The following EPB41L4A variants were observed in gnomAD, a reference collection of about 807,000 sequenced individuals.
EPB41L4A encodes the protein band 4.1-like protein 4A.
A neutral mutation model predicts 108.6 loss-of-function variants in EPB41L4A; 100 were observed. The observed-to-expected ratio is 0.92, with a 90% CI of 0.78 to 1.09. The LOEUF is 1.09. Among genes scored for constraint, EPB41L4A ranks in the 50% least tolerant of loss-of-function variants. The probability of loss-of-function intolerance (pLI) is 0.00; values close to 1 mark genes in which losing one functional copy is unlikely to be tolerated. For synonymous variants in EPB41L4A, 319 were observed against 289.0 expected (o/e 1.10, Z -1.05); for missense variants, 1,030 against 842.7 (o/e 1.22, Z -2.75).
chr5:112,339,484 A>ATATCTATATCTG (rs70973633), intron 1 of EPB41L4A, among the ~76,000 whole-genome samples: 1 of 35,304 alleles, frequency 2.8e-5, no homozygotes, highest in African/African-American at 8.1e-5. Context: ...CTATATATAT[A>ATATCTATATCTG]TATATATATA....
chr5:112,276,657 C>T (rs954217305), intron 3 of EPB41L4A, among the ~76,000 whole-genome samples: 2 of 152,170 alleles, frequency 1.3e-5, no homozygotes, highest in African/African-American at 2.4e-5. Flanking sequence ...TAAAGTAACC[C>T]CAGTCTCGCT....
chr5:112,355,768 G>C (rs1256796204), intron 1 of EPB41L4A, among the ~76,000 whole-genome samples: 1 of 152,106 alleles, frequency 6.6e-6, no homozygotes, highest in African/African-American at 2.4e-5. Flanking sequence ...CTTAGAACTG[G>C]AAACAAAGCC....
At chr5:112,184,255 G>A in intron 17 of EPB41L4A, 120 bp from the exon 18 acceptor site, 1 of 1,134,406 alleles carries the variant, frequency 8.8e-7, no homozygotes, top group African/African-American at 1.6e-5. Context: ...ATCATTTATA[G>A]CTAAAGATGC....
intron 17 of EPB41L4A, among the ~76,000 whole-genome samples, chr5:112,186,629 C>T (rs968671156): frequency 6.6e-6 from 1 of 152,296 alleles, no homozygotes; most frequent in East Asian, 1.9e-4. Flanking sequence ...TAACAAGATG[C>T]ATTAAAAATG....
intron 18 of EPB41L4A, among the ~76,000 whole-genome samples, chr5:112,171,289 A>C (rs979022104): frequency 6.6e-6 from 1 of 152,230 alleles, no homozygotes; most frequent in Non-Finnish European, 1.5e-5. Flanking sequence ...CTGTACAACG[A>C]AGAATGATTC....
intron 1 of EPB41L4A, among the ~76,000 whole-genome samples, chr5:112,342,543 T>G (rs936419067): frequency 2.6e-5 from 4 of 152,206 alleles, no homozygotes; most frequent in Non-Finnish European, 5.9e-5. Flanking sequence ...CCCCACGTGA[T>G]GCATTAGTTA....
intron 2 of EPB41L4A, among the ~76,000 whole-genome samples, chr5:112,302,612 T>C (rs1357956152): frequency 1.3e-5 from 2 of 152,146 alleles, no homozygotes; most frequent in African/African-American, 4.8e-5. Context: ...AACTGAAGTA[T>C]AGAAAAGTTA....
At chr5:112,268,027 G>A (rs527557771) in intron 4 of EPB41L4A, among the ~76,000 whole-genome samples, 1 of 152,288 alleles carries the variant, frequency 6.6e-6, no homozygotes, top group South Asian at 2.1e-4. Flanking sequence ...GATCATCTGT[G>A]CTCCTCTTGG....
chr5:112,190,988 T>C (rs1238082393), intron 17 of EPB41L4A, among the ~76,000 whole-genome samples: 2 of 151,722 alleles, frequency 1.3e-5, no homozygotes, highest in African/African-American at 4.8e-5. Context: ...GAGAGGGAGA[T>C]GAGGATGTAG....
At chr5:112,314,882 G>T (rs1460644507) in intron 1 of EPB41L4A, among the ~76,000 whole-genome samples, 2 of 152,106 alleles carry the variant, frequency 1.3e-5, no homozygotes, top group Non-Finnish European at 2.9e-5. Context: ...CCAAAATGGG[G>T]AATTCACAAG....
intron 1 of EPB41L4A, among the ~76,000 whole-genome samples, chr5:112,396,674 C>T (rs1305097440): frequency 1.3e-5 from 2 of 152,188 alleles, no homozygotes; most frequent in African/African-American, 2.4e-5. Context: ...TTCCTCACCA[C>T]ACAGGCCTCA....
At chr5:112,390,489 G>A (rs1336497151) in intron 1 of EPB41L4A, among the ~76,000 whole-genome samples, 2 of 152,156 alleles carry the variant, frequency 1.3e-5, no homozygotes, top group African/African-American at 4.8e-5. Context: ...CAGCCTGGGT[G>A]GGGGAGTGGC....
At chr5:112,359,629 C>T (rs1254438080) in intron 1 of EPB41L4A, among the ~76,000 whole-genome samples, 1 of 152,062 alleles carries the variant, frequency 6.6e-6, no homozygotes, top group Non-Finnish European at 1.5e-5. Flanking sequence ...CCAGCTCCGC[C>T]TCCCGGGTTC....
In EPB41L4A at chr5:112,307,480, T is replaced by C. The variant is rs1424438290; in HGVS notation, c.110A>G (p.Lys37Arg). The C allele has an allele frequency of 6.2e-7, 1 of 1,611,538 alleles. No homozygotes were observed. ...TACGTGGTCAAGGACAACGGAACCTTTCGTTGACTTCTGCAAAAATAATTC... is the reference window on the plus strand; with the variant it reads ...TACGTGGTCAAGGACAACGGAACCTCTCGTTGACTTCTGCAAAAATAATTC... ...TQQQGIKKST[K>R]GSVVLDHVFH... is the part of the protein sequence containing the mutation. Residue 37 changes from lysine (K) to arginine (R), a missense_variant, in exon 2 of 23, where the codon AAA (lysine) becomes AGA (arginine). Physicochemically the swap from Lys to Arg is conservative, Grantham distance 26. Coordinates refer to ENST00000261486, the MANE Select transcript of EPB41L4A (RefSeq NM_022140.5).
chr5:112,366,448 A>C (rs963128427), intron 1 of EPB41L4A, among the ~76,000 whole-genome samples: 7 of 152,156 alleles, frequency 4.6e-5, no homozygotes, highest in African/African-American at 1.7e-4. Flanking sequence ...GAGTACCCCG[A>C]GGCTGGCAAC....
chr5:112,256,579 C>T (rs1024134514), intron 9 of EPB41L4A, among the ~76,000 whole-genome samples: 11 of 152,142 alleles, frequency 7.2e-5, no homozygotes, highest in African/African-American at 2.6e-4. Context: ...GAAAAGATTG[C>T]ATCCACAATA....
chr5:112,319,685 A>G (rs1554624), intron 1 of EPB41L4A, among the ~76,000 whole-genome samples: 37,302 of 152,186 alleles, frequency 0.25, 7,238 homozygotes, highest in African/African-American at 0.54. Context: ...TATGGTTATC[A>G]AAGTATCAAG....
chr5:112,152,913 T>C (rs1469969640), intron 12 of EPB41L4A, among the ~76,000 whole-genome samples: 1 of 152,190 alleles, frequency 6.6e-6, no homozygotes, highest in Non-Finnish European at 1.5e-5. Flanking sequence ...TGCAATATAA[T>C]AACATAATTT....
chr5:112,205,554 G>T (rs1361429402), intron 13 of EPB41L4A, 50 bp from the exon 14 acceptor site: 3 of 1,374,728 alleles, frequency 2.2e-6, no homozygotes, highest in Non-Finnish European at 3.1e-6. Flanking sequence ...GAAAATAAAA[G>T]TAAACTCACA....
Sources: allele counts gnomAD v4.1 joint callset (sites outside exome capture counted in the v4.1 genomes callset), GRCh38; gene constraint gnomAD v4.1.1; transcripts MANE v1.5; gene names NCBI Gene and HGNC (gene_info 2026-07-23, HGNC 2026-07-21).